Variants in DRAM1 observed in about 807,000 individuals in gnomAD.
DRAM1 encodes DNA damage regulated autophagy modulator 1, also known as DNA damage-regulated autophagy modulator protein 1.
In DRAM1, 25 loss-of-function variants were observed where a neutral mutation model predicts 28.5. The ratio of observed to expected loss-of-function variants is 0.88; its 90% confidence interval spans 0.64 to 1.23. DRAM1 has a LOEUF of 1.23. Ranked by LOEUF, DRAM1 falls within the 50% of genes most tolerant of loss-of-function variation. DRAM1 has a pLI of 0.00. For missense variants in DRAM1, 249 were observed against 299.2 expected (o/e 0.83, Z 1.24); for synonymous variants, 113 against 114.2 (o/e 0.99, Z 0.07).
chr12:101,911,286 A>G (rs1397410587), intron 4 of DRAM1, among the ~76,000 whole-genome samples: 1 of 152,198 alleles, frequency 6.6e-6, no homozygotes, highest in Non-Finnish European at 1.5e-5. Flanking sequence ...TTCTTACTGC[A>G]GTATTTCTGT....
In DRAM1 at chr12:101,920,477, C is replaced by T. The variant is rs1018881355; in HGVS notation, c.672+276C>T. On this transcript the variant is annotated intron_variant, in intron 6 of 6. Coordinates refer to ENST00000258534, the MANE Select transcript of DRAM1 (RefSeq NM_018370.3). The stretch of plus-strand genomic sequence containing the variant: ...GTGTTAGCTTATTCCCAATGGGAGG[C>T]ATCTTTAATAGCTCTCCCACCAATG... Among the ~76,000 whole-genome samples, 4 of 152,132 alleles carry T rather than the reference C, an allele frequency of 2.6e-5. No homozygotes were observed. Among genetic ancestry groups the T allele is most frequent in the Non-Finnish European group, 5.9e-5 (4 of 68,028 alleles).
chr12:101,881,221 C>T (rs1447126702), intron 1 of DRAM1, among the ~76,000 whole-genome samples: 28 of 152,090 alleles, frequency 1.8e-4, no homozygotes, highest in Admixed American at 1.7e-3. Flanking sequence ...CAGAGGTTGC[C>T]GTGAACCGAG....
intron 1 of DRAM1, among the ~76,000 whole-genome samples, chr12:101,891,407 A>G (rs146932466): frequency 1.6e-3 from 244 of 152,360 alleles, no homozygotes; most frequent in South Asian, 8.3e-3. Context: ...GTATCCAGTA[A>G]CTTAAAGAAC....
intron 4 of DRAM1, among the ~76,000 whole-genome samples, chr12:101,913,019 C>T (rs776637817): frequency 2.0e-5 from 3 of 152,100 alleles, no homozygotes; most frequent in Non-Finnish European, 4.4e-5. Flanking sequence ...TGAGCCACTG[C>T]GCCCGGCCTA....
At chr12:101,907,863 A>G (rs1320576473) in intron 3 of DRAM1, among the ~76,000 whole-genome samples, 3 of 152,218 alleles carry the variant, frequency 2.0e-5, no homozygotes, top group African/African-American at 7.2e-5. Flanking sequence ...CTTTGCAGTA[A>G]GGTCACAGAG....
chr12:101,901,083 GT>G (rs1873583640), intron 2 of DRAM1, among the ~76,000 whole-genome samples: 2 of 13,348 alleles, frequency 1.5e-4, no homozygotes, highest in African/African-American at 3.5e-4. Flanking sequence ...CAAGGGGTGT[GT>G]GTGTGTGTGT....
chr12:101,916,845 A>G (rs552212329), intron 5 of DRAM1, among the ~76,000 whole-genome samples: 21 of 152,340 alleles, frequency 1.4e-4, no homozygotes, highest in African/African-American at 3.6e-4. Flanking sequence ...ATCCTGAGGG[A>G]TTTTATAGTT....
At chr12:101,906,782 C>G (rs4764840) in intron 3 of DRAM1, among the ~76,000 whole-genome samples, 16,722 of 146,838 alleles carry the variant, frequency 0.11, 997 homozygotes, top group Middle Eastern at 0.19. Context: ...TTGAACCCGG[C>G]AGGTGGAGGT....
chr12:101,910,479 GTT>G (rs772877223), intron 4 of DRAM1, among the ~76,000 whole-genome samples: 4 of 139,236 alleles, frequency 2.9e-5, no homozygotes, highest in Non-Finnish European at 4.7e-5. Context: ...TTTCTAGAAA[GTT>G]TTTTTTTTTT....
chr12:101,905,302 G>A (rs1019355990), intron 3 of DRAM1, among the ~76,000 whole-genome samples: 7 of 151,932 alleles, frequency 4.6e-5, no homozygotes, highest in Non-Finnish European at 1.0e-4. Flanking sequence ...TATTTTTTGA[G>A]ACAGGGTCTT....
chr12:101,885,292 T>A (rs1451760609), intron 1 of DRAM1, among the ~76,000 whole-genome samples: 1 of 152,210 alleles, frequency 6.6e-6, no homozygotes, highest in Non-Finnish European at 1.5e-5. Context: ...AAAGAAAGTT[T>A]CCTTCTTCTC....
At position 101,877,654 on chromosome 12, in the gene DRAM1, T is replaced by A; in HGVS notation, c.-136T>A. 1 of 563,278 alleles carries A rather than the reference T, an allele frequency of 1.8e-6. No homozygotes were observed. Among genetic ancestry groups the A allele is most frequent in the East Asian group, 4.3e-5 (1 of 23,184 alleles). 34.9% of individuals were successfully genotyped at this position (563,278 alleles called of 1,614,324 possible). The stretch of plus-strand genomic sequence containing the variant: ...CTTCCCCTCCCTCCGGGGCTGGGCC[T>A]GCCCCGGCCGTCGCGGAGCCTCCCC... On this transcript the variant is annotated 5_prime_UTR_variant, in exon 1 of 7. Coordinates refer to ENST00000258534, the MANE Select transcript of DRAM1 (RefSeq NM_018370.3). This position sits in a 1 kb window ranked among gnomAD's most constrained non-coding sequence, Gnocchi z 4.1.
chr12:101,901,742 G>C (rs1038245217), intron 3 of DRAM1, among the ~76,000 whole-genome samples: 1 of 151,978 alleles, frequency 6.6e-6, no homozygotes, highest in Non-Finnish European at 1.5e-5. Context: ...AGCCAGGTGT[G>C]GCGTCACATG....
intron 1 of DRAM1, among the ~76,000 whole-genome samples, chr12:101,897,195 C>T (rs892823746): frequency 5.5e-5 from 7 of 127,912 alleles, no homozygotes; most frequent in Non-Finnish European, 7.8e-5. Context: ...TTTTCAAACG[C>T]GATTTATTTT....
chr12:101,878,013 T>C (rs1453824201), intron 1 of DRAM1, 93 bp downstream of exon 1: 8 of 1,338,150 alleles, frequency 6.0e-6, no homozygotes, highest in African/African-American at 1.5e-5. Context: ...CGGACCCAGC[T>C]TGGGGCGTCG....
At chr12:101,888,909 A>G (rs563398390) in intron 1 of DRAM1, among the ~76,000 whole-genome samples, 2 of 145,234 alleles carry the variant, frequency 1.4e-5, no homozygotes, top group East Asian at 4.0e-4. Flanking sequence ...GGCTCAAGTG[A>G]TCCTCCTACC....
Position 101,877,669 on chromosome 12 carries a change from G to T in DRAM1, c.-121G>T. ...GGGCTGGGCCTGCCCCGGCCGTCGC[G>T]GAGCCTCCCCTCCCACCGTCCGTGA... On this transcript the variant is annotated 5_prime_UTR_variant, in exon 1 of 7. Coordinates refer to ENST00000258534, the MANE Select transcript of DRAM1 (RefSeq NM_018370.3). This position sits in a 1 kb window ranked among gnomAD's most constrained non-coding sequence, Gnocchi z 4.1. The T allele has an allele frequency of 1.4e-6, 1 of 704,116 alleles. No homozygotes were observed. The highest frequency in any genetic ancestry group is 1.9e-5 in the African/African-American group (1 of 53,488). 43.6% of individuals were successfully genotyped at this position (704,116 alleles called of 1,614,324 possible).
Position 101,877,946 on chromosome 12 carries a change from C to A in DRAM1, c.131+26C>A. On this transcript the variant is annotated intron_variant, in intron 1 of 6. Transcript: ENST00000258534. The surrounding 1 kb of genome is among the most constrained non-coding windows in gnomAD (Gnocchi z 4.1). The stretch of plus-strand genomic sequence containing the variant: ...GTGAGTGGCAGGGTGGGCGTCAGGG[C>A]CCCAGGAGCAGGCACAGGGACCACA... 1 of 1,495,294 alleles carries A rather than the reference C, an allele frequency of 6.7e-7. No individual in the cohort carries two copies. Among genetic ancestry groups the A allele is most frequent in the Non-Finnish European group, 9.0e-7 (1 of 1,114,836 alleles). The allele number at this position is 1,495,294 out of a possible 1,614,324, so 92.6% of individuals were successfully genotyped here. A position where few individuals can be genotyped will look rare whatever the true frequency, so the allele number is the denominator to read the frequency against.
rs528823175 is a variant in DRAM1, at chr12:101,881,480, C to T, written c.131+3560C>T. Among the ~76,000 whole-genome samples, 3 of 152,154 alleles carry T rather than the reference C, an allele frequency of 2.0e-5. No individual in the cohort carries two copies. In the East Asian group the frequency reaches 5.8e-4, roughly 29 times the overall value. ...GAGTACTTGAGATTAAAAGTGTGCA[C>T]CCCCATGCCAGGCTGAAGGTATCTC... is the stretch of plus-strand genomic sequence containing the variant. On this transcript the variant is annotated intron_variant, in intron 1 of 6. Coordinates refer to ENST00000258534, the MANE Select transcript of DRAM1 (RefSeq NM_018370.3).
Sources: gnomAD v4.1 joint callset for allele counts (sites outside exome capture counted in the v4.1 genomes callset) on GRCh38, gnomAD v4.1.1 for gene constraint, Gnocchi (gnomAD v3.1) non-coding constraint, MANE v1.5 for transcripts, NCBI Gene and HGNC (gene_info 2026-07-23, HGNC 2026-07-21) for gene names.